The following OSBPL6 variants were observed in gnomAD, a reference collection of about 807,000 sequenced individuals.
OSBPL6 encodes oxysterol-binding protein-related protein 6.
A neutral mutation model predicts 125.8 loss-of-function variants in OSBPL6; 49 were observed. That is an observed-to-expected ratio of 0.39 (90% CI 0.31 to 0.49). The LOEUF is 0.49. Among genes scored for constraint, OSBPL6 ranks in the 20% least tolerant of loss-of-function variants. The probability of loss-of-function intolerance (pLI) is 0.88; values close to 1 mark genes in which losing one functional copy is unlikely to be tolerated. For missense variants in OSBPL6, 986 were observed against 1,135.4 expected (o/e 0.87, Z 1.89); for synonymous variants, 394 against 391.8 (o/e 1.01, Z -0.07).
chr2:178,287,391 G>T (rs898465269), intron 2 of OSBPL6, among the ~76,000 whole-genome samples: 1 of 151,600 alleles, frequency 6.6e-6, no homozygotes, highest in African/African-American at 2.4e-5. Flanking sequence ...TTTTTATTTT[G>T]AGTATCTTAG....
chr2:178,238,142 C>T (rs1464441544), intron 1 of OSBPL6, among the ~76,000 whole-genome samples: 1 of 152,166 alleles, frequency 6.6e-6, no homozygotes, highest in East Asian at 1.9e-4. Flanking sequence ...AGTGGTCCCT[C>T]CTTATCTGCA....
upstream of OSBPL6, among the ~76,000 whole-genome samples, chr2:178,194,310 G>A (rs2088706116): frequency 1.3e-5 from 2 of 152,146 alleles, no homozygotes; most frequent in African/African-American, 4.8e-5. Context: ...AGCCCATCTG[G>A]CGGCGCAGGG....
chr2:178,366,629 CA>C (rs1692859144), intron 13 of OSBPL6, among the ~76,000 whole-genome samples: 2 of 151,940 alleles, frequency 1.3e-5, no homozygotes, highest in Non-Finnish European at 2.9e-5. Context: ...AGAATTGAAG[CA>C]AAAAAATTGC....
intron 1 of OSBPL6, among the ~76,000 whole-genome samples, chr2:178,221,460 A>C (rs2153969792): frequency 6.6e-6 from 1 of 152,338 alleles, no homozygotes; most frequent in South Asian, 2.1e-4. Flanking sequence ...AATACTCTGA[A>C]AGAGTAGATG....
intron 1 of OSBPL6, among the ~76,000 whole-genome samples, chr2:178,230,275 T>C (rs1559140171): frequency 6.6e-6 from 1 of 152,102 alleles, no homozygotes; most frequent in Non-Finnish European, 1.5e-5. Context: ...TGAAAACTTG[T>C]GGAGGTGAGA....
At chr2:178,363,207 CTGCTTGCTTGCTTTTATT>C (rs1281209812) in intron 13 of OSBPL6, among the ~76,000 whole-genome samples, 1 of 152,124 alleles carries the variant, frequency 6.6e-6, no homozygotes, top group Non-Finnish European at 1.5e-5. Context: ...TCTTGCTTGC[CTGCTTGCTTGCTTTTATT>C]TGCTTGTAGG....
chr2:178,251,713 T>C (rs1429002198), intron 1 of OSBPL6, among the ~76,000 whole-genome samples: 1 of 152,212 alleles, frequency 6.6e-6, no homozygotes, highest in Non-Finnish European at 1.5e-5. Context: ...AGAAGTACTA[T>C]GTTGATTTAA....
chr2:178,368,706 G>C (rs1471863774), intron 13 of OSBPL6, among the ~76,000 whole-genome samples: 1 of 149,766 alleles, frequency 6.7e-6, no homozygotes, highest in African/African-American at 2.5e-5. Flanking sequence ...AAAAAAAATA[G>C]TTTTGAAGTT....
rs765042255 is a variant in OSBPL6, at chr2:178,328,336, T to C, written c.276T>C (p.Phe92=). The change falls in exon 5 of 25, where the codon TTT becomes TTC. Residue 92 remains phenylalanine, a synonymous_variant. Coordinates refer to ENST00000190611, the MANE Select transcript of OSBPL6 (RefSeq NM_032523.4). ...AGAAACCAGACAAACATGAGGGCTT[T>C]ATGCTGAAGAAAAGAAAATGGCCTT... ...NVQKPDKHEG[F]MLKKRKWPLK... 3.1e-6 allele frequency: 5 copies of C among 1,613,938 alleles called. No homozygotes were observed. The highest frequency in any genetic ancestry group is 4.2e-6 in the Non-Finnish European group (5 of 1,179,864).
intron 2 of OSBPL6, among the ~76,000 whole-genome samples, chr2:178,288,804 A>G (rs1458334989): frequency 1.3e-5 from 2 of 151,714 alleles, no homozygotes; most frequent in Admixed American, 1.3e-4. Context: ...GCCCGCCACC[A>G]CGCCCAGCTA....
At chr2:178,394,561 AAATATTG>A in intron 24 of OSBPL6, 126 bp downstream of exon 24, 1 of 1,245,982 alleles carries the variant, frequency 8.0e-7, no homozygotes. Context: ...TTGGCAGTGA[AAATATTG>A]AATCGATTTT....
At position 178,387,418 on chromosome 2, in the gene OSBPL6, A is replaced by C. The variant is rs142178319; in HGVS notation, c.2156+279A>C. 8.1e-4 allele frequency among the ~76,000 whole-genome samples: 124 copies of C among 152,302 alleles called. 2 individuals carry two copies. The highest frequency in any genetic ancestry group is 2.8e-3 in the African/African-American group (118 of 41,542). On this transcript the variant is annotated intron_variant, in intron 20 of 24. Transcript: ENST00000190611. Reference sequence around the variant, plus strand: ...ATCATGCTAGTTTGATTGTATATAAAAGGTTCTCCTGTTTAGCCATTTCTT... The same window carrying C: ...ATCATGCTAGTTTGATTGTATATAACAGGTTCTCCTGTTTAGCCATTTCTT...
At chr2:178,337,406 T>C (rs1689785113) in intron 9 of OSBPL6, among the ~76,000 whole-genome samples, 1 of 152,208 alleles carries the variant, frequency 6.6e-6, no homozygotes. Flanking sequence ...GTATGCAGCA[T>C]TTTTTGTCAT....
At chr2:178,309,887 A>G (rs1222108626) in intron 3 of OSBPL6, among the ~76,000 whole-genome samples, 1 of 152,228 alleles carries the variant, frequency 6.6e-6, no homozygotes, top group East Asian at 1.9e-4. Context: ...GTGCCGAGGA[A>G]TGCTTGCCAC....
At chr2:178,198,966 C>G (rs2089077724) in intron 1 of OSBPL6, among the ~76,000 whole-genome samples, 1 of 152,178 alleles carries the variant, frequency 6.6e-6, no homozygotes, top group African/African-American at 2.4e-5. Flanking sequence ...TCATCTTTGT[C>G]TAACTCAGTT....
At chr2:178,287,149 T>TA (rs66530877) in intron 2 of OSBPL6, among the ~76,000 whole-genome samples, 8 of 125,486 alleles carry the variant, frequency 6.4e-5, no homozygotes, top group South Asian at 5.1e-4. Context: ...CTTCTTTTTT[T>TA]AAAAAAAAAA....
chr2:178,256,262 A>G (rs1347902490), intron 1 of OSBPL6, among the ~76,000 whole-genome samples: 1 of 152,216 alleles, frequency 6.6e-6, no homozygotes, highest in Non-Finnish European at 1.5e-5. Context: ...GAGGAATATA[A>G]CTTAGGACAT....
In OSBPL6 at chr2:178,395,497, AC is replaced by A. The variant is rs1559335661; in HGVS notation, c.2745del (p.Tyr916ThrfsTer13). The A allele has an allele frequency of 6.2e-7, 1 of 1,613,788 alleles. No homozygotes were observed. Among genetic ancestry groups the A allele is most frequent in the Non-Finnish European group, 8.5e-7 (1 of 1,179,820 alleles). On this transcript the variant is annotated frameshift_variant, in exon 25 of 25. Transcript: ENST00000190611. LOFTEE classifies it high-confidence loss of function. ...NQREAWVSND[T>X]YWELRKDPGF... is the part of the protein sequence containing the mutation. ...AAGAGAAGCCTGGGTTTCTAACGACACCTACTGGGAGCTTCGAAAGGACCCT... is the reference window on the plus strand; with the variant it reads ...AAGAGAAGCCTGGGTTTCTAACGACACTACTGGGAGCTTCGAAAGGACCCT...
intron 1 of OSBPL6, among the ~76,000 whole-genome samples, chr2:178,204,025 CTT>C (rs1166160655): frequency 5.4e-5 from 7 of 128,972 alleles, no homozygotes; most frequent in Non-Finnish European, 9.9e-5. Flanking sequence ...TTTTCTTTTT[CTT>C]TTTTTTTTTT....
Sources: allele counts gnomAD v4.1 joint callset (sites outside exome capture counted in the v4.1 genomes callset), GRCh38; gene constraint gnomAD v4.1.1; transcripts MANE v1.5; gene names NCBI Gene and HGNC (gene_info 2026-07-23, HGNC 2026-07-21).